Variants in CRY2 observed in about 807,000 individuals in gnomAD.
CRY2 encodes the protein cryptochrome circadian regulator 2.
A neutral mutation model predicts 69.5 loss-of-function variants in CRY2; 31 were observed. The observed-to-expected ratio is 0.45, with a 90% CI of 0.34 to 0.60. The LOEUF is 0.60. Among genes scored for constraint, CRY2 ranks in the 20% least tolerant of loss-of-function variants. CRY2 has a pLI of 0.02. For missense variants in CRY2, 606 were observed against 797.8 expected (o/e 0.76, Z 2.90); for synonymous variants, 303 against 312.2 (o/e 0.97, Z 0.31).
rs2086162397 is a variant in CRY2, at chr11:45,847,687, T to A, written c.197T>A (p.Val66Asp). ...CCGTGGTTCGCGGCCTCCTCCTCAG[T>A]CGGGATCAACCGATGGAGGTGAGGG... is the stretch of plus-strand genomic sequence containing the variant. ...LDPWFAASSS[V>D]GINRWRFLLQ... Residue 66 changes from valine to aspartate, a missense_variant, in exon 1 of 12, where the codon GTC (valine) becomes GAC (aspartate). Physicochemically the swap from Val to Asp is radical, Grantham distance 152. Transcript: ENST00000616080. 6.3e-7 allele frequency: 1 copy of A among 1,577,760 alleles called. No individual in the cohort carries two copies. The highest frequency in any genetic ancestry group is 1.7e-4 in the Middle Eastern group (1 of 6,016).
intron 11 of CRY2, among the ~76,000 whole-genome samples, chr11:45,879,046 A>T (rs567075435): frequency 6.6e-6 from 1 of 151,810 alleles, no homozygotes; most frequent in East Asian, 1.9e-4. Flanking sequence ...CCTGACCAAC[A>T]TGGAGAAACC....
At chr11:45,856,238 G>C (rs571428136) in intron 2 of CRY2, 148 bp downstream of exon 2, 1 of 665,416 alleles carries the variant, frequency 1.5e-6, no homozygotes, top group East Asian at 2.7e-5. Flanking sequence ...AGCAAAGGCA[G>C]CCAGTTAGCT....
chr11:45,853,931 C>G lies in CRY2; in HGVS notation c.216-2051C>G, dbSNP rs1400621181. Among the ~76,000 whole-genome samples, 4 of 152,254 alleles carry G rather than the reference C, an allele frequency of 2.6e-5. No homozygotes were observed. In the South Asian group the frequency reaches 8.3e-4, roughly 32 times the overall value. ...CTGTTTGTCTTCCATCCCAACCTCT[C>G]AGAGAGTCTTCCTCATGCTCTTTTG... is the stretch of plus-strand genomic sequence containing the variant. On this transcript the variant is annotated intron_variant, in intron 1 of 11. Coordinates refer to ENST00000616080, the MANE Select transcript of CRY2 (RefSeq NM_021117.5).
intron 3 of CRY2, among the ~76,000 whole-genome samples, chr11:45,860,012 CTG>C (rs759473254): frequency 3.9e-5 from 6 of 152,170 alleles, no homozygotes; most frequent in Non-Finnish European, 8.8e-5. Flanking sequence ...GGAGAGCAAA[CTG>C]AGAAATGAAC....
At chr11:45,878,948 A>AT (rs1305854400) in intron 11 of CRY2, among the ~76,000 whole-genome samples, 1 of 129,444 alleles carries the variant, frequency 7.7e-6, no homozygotes, top group South Asian at 2.5e-4. Context: ...AAAAAAAAAA[A>AT]GTCGGGCTCG....
rs747373251 is a variant in CRY2 at position 45,870,056 on chromosome 11, T to A, written c.1198T>A (p.Phe400Ile). 1 of 1,597,826 alleles carries A rather than the reference T, an allele frequency of 6.3e-7. No homozygotes were observed. Among genetic ancestry groups the A allele is most frequent in the South Asian group, 1.1e-5 (1 of 89,056 alleles). Residue 400 changes from phenylalanine (F) to isoleucine (I), a missense_variant, in exon 8 of 12, where the codon TTT becomes ATT. Phe to Ile is a conservative substitution (Grantham distance 21). This residue lies in a region of CRY2 where 382 missense variants were observed against 508.9 expected (regional missense o/e 0.75). Coordinates refer to ENST00000616080, the MANE Select transcript of CRY2 (RefSeq NM_021117.5). ...WVSWESGVRV[F>I]DELLLDADFS... The stretch of plus-strand genomic sequence containing the variant: ...GATCATCCCCTCCCCTATCTAGGTA[T>A]TTGATGAGCTGCTCCTGGATGCAGA...
intron 9 of CRY2, 141 bp from the exon 10 acceptor site, chr11:45,870,701 G>C: frequency 1.8e-6 from 2 of 1,101,188 alleles, no homozygotes; most frequent in Admixed American, 2.1e-5. Flanking sequence ...GGGCCTTCCT[G>C]AGTAGTTGTG....
intron 11 of CRY2, among the ~76,000 whole-genome samples, chr11:45,879,947 C>G (rs968595555): frequency 6.6e-6 from 1 of 152,232 alleles, no homozygotes. Context: ...TAAATTTCCT[C>G]TTCCTTTAAG....
intron 6 of CRY2, among the ~76,000 whole-genome samples, chr11:45,868,637 T>C (rs909342448): frequency 2.0e-5 from 3 of 152,066 alleles, no homozygotes; most frequent in Non-Finnish European, 4.4e-5. Context: ...TACATTTGTT[T>C]TTTTGTTTGT....
intron 1 of CRY2, among the ~76,000 whole-genome samples, chr11:45,847,914 G>A (rs1486236778): frequency 6.6e-6 from 1 of 152,214 alleles, no homozygotes; most frequent in Non-Finnish European, 1.5e-5. Flanking sequence ...TTACCCCTTT[G>A]AGCCTCACAA....
intron 4 of CRY2, 153 bp downstream of exon 4, chr11:45,861,185 GTAACCACAATTAATTT>G (rs2086285442): frequency 1.3e-6 from 1 of 747,146 alleles, no homozygotes; most frequent in Admixed American, 2.9e-5. Flanking sequence ...CCACCCAGAG[GTAACCACAATTAATTT>G]TAAACTGTGT....
At chr11:45,876,532 C>T (rs2086425930) in intron 11 of CRY2, among the ~76,000 whole-genome samples, 1 of 152,224 alleles carries the variant, frequency 6.6e-6, no homozygotes, top group South Asian at 2.1e-4. Context: ...ACAGATTTCT[C>T]TCATTGGTCC....
chr11:45,874,111 G>A (rs976986492), intron 11 of CRY2, among the ~76,000 whole-genome samples: 10 of 152,012 alleles, frequency 6.6e-5, no homozygotes, highest in Non-Finnish European at 1.0e-4. Context: ...GAGAAACCCC[G>A]TCTCTACTAA....
At chr11:45,857,466 T>C (rs1047446445) in intron 2 of CRY2, among the ~76,000 whole-genome samples, 6 of 152,216 alleles carry the variant, frequency 3.9e-5, no homozygotes, top group Admixed American at 1.3e-4. Flanking sequence ...AACCCACTTA[T>C]ATCCCAGAGA....
chr11:45,876,380 A>G (rs1590773817), intron 11 of CRY2, among the ~76,000 whole-genome samples: 1 of 152,196 alleles, frequency 6.6e-6, no homozygotes, highest in Non-Finnish European at 1.5e-5. Context: ...CACACCAGCT[A>G]TCTGTTCTGC....
In CRY2 at chr11:45,847,713, G is replaced by A. The variant is rs1396315870; in HGVS notation, c.215+8G>A. On this transcript the variant is annotated splice_region_variant and intron_variant, in intron 1 of 11. Transcript: ENST00000616080. The stretch of plus-strand genomic sequence containing the variant: ...CGGGATCAACCGATGGAGGTGAGGG[G>A]ACCCGGGGCTGGGTGGCGGGGACGC... 6.4e-7 allele frequency: 1 copy of A among 1,553,920 alleles called. No homozygotes were observed. Among genetic ancestry groups the A allele is most frequent in the South Asian group, 1.2e-5 (1 of 84,060 alleles).
At chr11:45,879,545 T>C (rs2134654205) in intron 11 of CRY2, among the ~76,000 whole-genome samples, 1 of 152,392 alleles carries the variant, frequency 6.6e-6, no homozygotes, top group African/African-American at 2.4e-5. Flanking sequence ...TACTATCGTA[T>C]AGAGATTACT....
chr11:45,858,531 G>C lies in CRY2; in HGVS notation c.325-200G>C, dbSNP rs554212212. The C allele has an allele frequency of 5.1e-6, 3 of 585,090 alleles. No homozygotes were observed. In the Admixed American group the frequency reaches 1.0e-4, roughly 20 times the overall value. 36.2% of individuals were successfully genotyped at this position (585,090 alleles called of 1,614,324 possible). ...CCACTGTTGCTGTGCTGTTGGCTTC[G>C]CCACACTGCCTGCCCTCCTCAAACT... On this transcript the variant is annotated intron_variant, in intron 2 of 11. Coordinates refer to ENST00000616080, the MANE Select transcript of CRY2 (RefSeq NM_021117.5).
chr11:45,878,570 AG>A (rs1489597202), intron 11 of CRY2, among the ~76,000 whole-genome samples: 1 of 152,234 alleles, frequency 6.6e-6, no homozygotes, highest in Non-Finnish European at 1.5e-5. Context: ...AAAAATGGCT[AG>A]GTTATTATAG....
Sources: gnomAD v4.1 joint callset for allele counts (sites outside exome capture counted in the v4.1 genomes callset) on GRCh38, gnomAD v4.1.1 for gene constraint, gnomAD v4.1.1 regional missense constraint, MANE v1.5 for transcripts, NCBI Gene and HGNC (gene_info 2026-07-23, HGNC 2026-07-21) for gene names.